ZFHX3: variants seen among roughly 807,000 people sequenced by gnomAD.
ZFHX3 encodes the protein zinc finger homeobox protein 3.
A neutral mutation model predicts 279.1 loss-of-function variants in ZFHX3; 42 were observed. The observed-to-expected ratio is 0.15, with a 90% CI of 0.12 to 0.19. The LOEUF (loss-of-function observed/expected upper bound fraction) is 0.19, where lower values mean the gene tolerates loss of function less well. Among genes scored for constraint, ZFHX3 ranks in the 10% least tolerant of loss-of-function variants. The pLI, the probability that ZFHX3 is intolerant of heterozygous loss-of-function variation, is 1.00. For synonymous variants in ZFHX3, 2,293 were observed against 1,957.8 expected, an observed-to-expected ratio of 1.17 and a Z score of -4.52; for missense variants, 4,981 against 4,754.0, an observed-to-expected ratio of 1.05 and a Z score of -1.40.
At chr16:72,841,620 A>C (rs539454730) in intron 4 of ZFHX3, among the ~76,000 whole-genome samples, 54 of 152,304 alleles carry the variant, frequency 3.5e-4, no homozygotes, top group African/African-American at 1.2e-3. Context: ...CATCCCTTTC[A>C]CAATGATTTT....
At position 73,641,246 on chromosome 16, in the gene ZFHX3, C is replaced by A. The variant is rs868176876; in HGVS notation, c.-1547+38934G>T. The stretch of plus-strand genomic sequence containing the variant: ...CAGACAAGCAAGAAAGCATAAAATC[C>A]AGGGAAAGCAATAAAAAAAACTTCA... On this transcript the variant is annotated intron_variant, in intron 2 of 17. Coordinates refer to the ZFHX3 transcript ENST00000641206. Among the ~76,000 whole-genome samples, 4 of 152,116 alleles carry A rather than the reference C, an allele frequency of 2.6e-5. No individual in the cohort carries two copies. In the South Asian group the frequency reaches 6.2e-4, roughly 24 times the overall value.
intron 1 of ZFHX3, among the ~76,000 whole-genome samples, chr16:73,729,997 T>C (rs2053555263): frequency 6.6e-6 from 1 of 152,158 alleles, no homozygotes; most frequent in Non-Finnish European, 1.5e-5. Flanking sequence ...TTAACTCTAC[T>C]AAGAATGGTA....
chr16:73,101,513 G>A (rs1252527617), intron 7 of ZFHX3, among the ~76,000 whole-genome samples: 1 of 151,948 alleles, frequency 6.6e-6, no homozygotes, highest in Non-Finnish European at 1.5e-5. Context: ...TGAGTAGCTG[G>A]GACAACAGGC....
rs370036754 is a variant in ZFHX3 at position 73,313,944 on chromosome 16, CA to C, written c.-1194+4295del. ...GTAACGTGGGGAAACCCCATTTCTACAAAAATTAGCTGGTCATGGTGGCACA... is the reference window on the plus strand; with the variant it reads ...GTAACGTGGGGAAACCCCATTTCTACAAAATTAGCTGGTCATGGTGGCACA... On this transcript the variant is annotated intron_variant, in intron 4 of 17. Transcript: ENST00000641206. 9.2e-5 allele frequency among the ~76,000 whole-genome samples: 14 copies of C among 152,240 alleles called. No individual in the cohort carries two copies. The South Asian group carries it at 2.9e-3, about 32-fold the overall frequency.
At chr16:72,964,750 C>G (rs544789786) in intron 1 of ZFHX3, among the ~76,000 whole-genome samples, 2 of 152,046 alleles carry the variant, frequency 1.3e-5, no homozygotes, top group Middle Eastern at 3.4e-3. Context: ...TGTTAAGACC[C>G]ATGGGTACAG....
chr16:73,071,225 C>T (rs1965823201), intron 8 of ZFHX3, among the ~76,000 whole-genome samples: 1 of 151,154 alleles, frequency 6.6e-6, no homozygotes, highest in Non-Finnish European at 1.5e-5. Flanking sequence ...CATTCAATTT[C>T]CTGCTCCACT....
chr16:73,483,939 T>G (rs1031436457), intron 2 of ZFHX3, among the ~76,000 whole-genome samples: 32 of 151,392 alleles, frequency 2.1e-4, no homozygotes, highest in Admixed American at 3.3e-4. Context: ...TGTTTTTTTT[T>G]TTTTTTTTTT....
At chr16:73,207,576 G>A (rs977669667) in intron 5 of ZFHX3, among the ~76,000 whole-genome samples, 2 of 152,154 alleles carry the variant, frequency 1.3e-5, no homozygotes, top group Admixed American at 6.5e-5. Context: ...ATTAAGGTTT[G>A]ACTCCAGCAC....
chr16:73,674,877 T>C (rs1006776061), intron 2 of ZFHX3, among the ~76,000 whole-genome samples: 1 of 152,188 alleles, frequency 6.6e-6, no homozygotes, highest in African/African-American at 2.4e-5. Flanking sequence ...ATGACACATA[T>C]GTCACATGTG....
chr16:72,818,860 C>T (rs1597272785), intron 5 of ZFHX3, among the ~76,000 whole-genome samples: 1 of 152,268 alleles, frequency 6.6e-6, no homozygotes. Flanking sequence ...AAAGGTATGG[C>T]AAGACACAGA....
chr16:73,189,020 C>T (rs570160237), intron 5 of ZFHX3, among the ~76,000 whole-genome samples: 100 of 152,084 alleles, frequency 6.6e-4, no homozygotes, highest in African/African-American at 1.4e-3. Context: ...CAAGCTACCA[C>T]GCCTGGCTAC....
chr16:73,687,016 AT>A (rs2053093239), intron 1 of ZFHX3, among the ~76,000 whole-genome samples: 1 of 11,882 alleles, frequency 8.4e-5, no homozygotes, highest in African/African-American at 4.5e-4. Flanking sequence ...AGCTAAATAT[AT>A]ATATATATAT....
chr16:73,181,171 G>C (rs1377188320), intron 5 of ZFHX3, among the ~76,000 whole-genome samples: 2 of 151,476 alleles, frequency 1.3e-5, no homozygotes, highest in African/African-American at 4.9e-5. Context: ...TATAATCTCG[G>C]CTCACTGCAA....
chr16:73,730,804 GT>G (rs1285560224), intron 1 of ZFHX3, among the ~76,000 whole-genome samples: 4 of 152,144 alleles, frequency 2.6e-5, no homozygotes, highest in Non-Finnish European at 4.4e-5. Flanking sequence ...CACCATTTTT[GT>G]CTCAAGAGTG....
intron 7 of ZFHX3, among the ~76,000 whole-genome samples, chr16:73,102,870 T>C (rs1464896075): frequency 1.3e-5 from 2 of 152,196 alleles, no homozygotes; most frequent in African/African-American, 2.4e-5. Context: ...CTGGCCTAGG[T>C]CAGGCACTCA....
intron 1 of ZFHX3, among the ~76,000 whole-genome samples, chr16:73,045,814 G>GA (rs36063079): frequency 3.4e-5 from 5 of 147,060 alleles, no homozygotes; most frequent in Admixed American, 3.4e-4. Flanking sequence ...GTGGGGGGGG[G>GA]TTGTTGAGAG....
intron 3 of ZFHX3, among the ~76,000 whole-genome samples, chr16:73,431,190 T>G (rs564723495): frequency 6.6e-6 from 1 of 152,288 alleles, no homozygotes; most frequent in African/African-American, 2.4e-5. Context: ...TTTCTAGGGA[T>G]ACTCTTAAAA....
intron 2 of ZFHX3, among the ~76,000 whole-genome samples, chr16:73,479,383 G>T (rs1221504683): frequency 1.3e-5 from 2 of 152,088 alleles, no homozygotes; most frequent in East Asian, 3.9e-4. Flanking sequence ...TGCCATACAA[G>T]TCACGAAACT....
chr16:73,883,303 A>G (rs141583912), intron 1 of ZFHX3, among the ~76,000 whole-genome samples: 199 of 152,264 alleles, frequency 1.3e-3, no homozygotes, highest in African/African-American at 4.6e-3. Context: ...AAACAAAAGG[A>G]ATTTGACGTC....
Sources: allele counts gnomAD v4.1 joint callset (sites outside exome capture counted in the v4.1 genomes callset), GRCh38; gene constraint gnomAD v4.1.1; transcripts MANE v1.5; gene names NCBI Gene and HGNC (gene_info 2026-07-23, HGNC 2026-07-21).